PIBF1: variants seen among roughly 807,000 people sequenced by gnomAD.
The protein encoded by PIBF1 is progesterone-induced-blocking factor 1.
In PIBF1, 90 loss-of-function variants were observed where a neutral mutation model predicts 112.5. The ratio of observed to expected loss-of-function variants is 0.80; its 90% CI spans 0.67 to 0.95. PIBF1 has a LOEUF of 0.95. PIBF1 is among the 40% of genes least tolerant of loss of function. The pLI is 0.00. For synonymous variants in PIBF1, 301 were observed against 288.6 expected, an observed-to-expected ratio of 1.04 and a Z score of -0.44; for missense variants, 915 against 852.3, an observed-to-expected ratio of 1.07 and a Z score of -0.92.
At chr13:73,007,939 G>A (rs1366980215) in intron 17 of PIBF1, among the ~76,000 whole-genome samples, 5 of 152,106 alleles carry the variant, frequency 3.3e-5, no homozygotes, top group Admixed American at 2.0e-4. Context: ...TCCAGTGTTT[G>A]GAACAGGGCT....
chr13:72,848,245 C>T (rs747249236), intron 9 of PIBF1, among the ~76,000 whole-genome samples: 5 of 152,096 alleles, frequency 3.3e-5, no homozygotes, highest in African/African-American at 7.2e-5. Context: ...GTTTGAATTT[C>T]GAAGGGTCCT....
intron 17 of PIBF1, among the ~76,000 whole-genome samples, chr13:73,006,685 C>A (rs993439687): frequency 3.9e-5 from 6 of 151,966 alleles, no homozygotes; most frequent in African/African-American, 1.5e-4. Flanking sequence ...GAGTAATCTG[C>A]CAGGCTTACT....
intron 15 of PIBF1, among the ~76,000 whole-genome samples, chr13:72,968,393 C>G (rs2042804073): frequency 6.6e-6 from 1 of 151,478 alleles, no homozygotes; most frequent in Non-Finnish European, 1.5e-5. Context: ...CTCCACCTCC[C>G]AGGTTCAAGC....
chr13:72,973,618 A>G lies in PIBF1; in HGVS notation c.1992A>G (p.Leu664=), dbSNP rs767677349. 1.3e-6 allele frequency: 2 copies of G among 1,573,538 alleles called. No homozygotes were observed. Among genetic ancestry groups the G allele is most frequent in the East Asian group, 2.3e-5 (1 of 43,700 alleles). ...ACTTAAATAAAGAAAAGTCAGCTTTACTACAGACGAAGAATCAAATGGCAT... is the reference window on the plus strand; with the variant it reads ...ACTTAAATAAAGAAAAGTCAGCTTTGCTACAGACGAAGAATCAAATGGCAT... ...VSNLNKEKSA[L]LQTKNQMALD... Residue 664 remains leucine, a synonymous_variant, in exon 16 of 18, where the codon TTA becomes TTG. Coordinates refer to ENST00000326291, the MANE Select transcript of PIBF1 (RefSeq NM_006346.4).
chr13:72,847,375 A>T (rs987259453), intron 9 of PIBF1, among the ~76,000 whole-genome samples: 18 of 152,178 alleles, frequency 1.2e-4, no homozygotes. Context: ...GGAGGCTGGG[A>T]AGTCCAATAT....
intron 10 of PIBF1, among the ~76,000 whole-genome samples, chr13:72,878,026 G>A (rs1013933633): frequency 6.6e-6 from 1 of 152,022 alleles, no homozygotes; most frequent in Non-Finnish European, 1.5e-5. Context: ...TGGGATTACA[G>A]GTGTAAGTCA....
chr13:72,932,874 C>T (rs1036384085), intron 14 of PIBF1, among the ~76,000 whole-genome samples: 3 of 152,146 alleles, frequency 2.0e-5, no homozygotes, highest in African/African-American at 7.2e-5. Flanking sequence ...TTTCAGGATT[C>T]ATTTGTACTT....
intron 10 of PIBF1, among the ~76,000 whole-genome samples, chr13:72,882,422 A>C (rs2039680475): frequency 6.6e-6 from 1 of 152,218 alleles, no homozygotes; most frequent in Admixed American, 6.5e-5. Context: ...CAGCCAAAGC[A>C]AAAATGGACA....
chr13:72,803,881 A>C (rs952321882), intron 5 of PIBF1, among the ~76,000 whole-genome samples: 4 of 152,214 alleles, frequency 2.6e-5, no homozygotes, highest in Admixed American at 6.5e-5. Flanking sequence ...CTAGACTTTT[A>C]AAACTAATCA....
chr13:72,789,170 T>C (rs1320454961), intron 2 of PIBF1, among the ~76,000 whole-genome samples: 1 of 152,120 alleles, frequency 6.6e-6, no homozygotes, highest in African/African-American at 2.4e-5. Context: ...TCTTTATTCC[T>C]TTCCTCTTCT....
intron 2 of PIBF1, among the ~76,000 whole-genome samples, chr13:72,791,036 T>TTTTTG (rs1555281362): frequency 1.6e-5 from 2 of 127,298 alleles, no homozygotes; most frequent in Non-Finnish European, 3.1e-5. Context: ...AATTCATGTA[T>TTTTTG]TTTTGTTTGT....
At chr13:73,015,160 G>GT (rs1341278588) in intron 17 of PIBF1, among the ~76,000 whole-genome samples, 1 of 151,534 alleles carries the variant, frequency 6.6e-6, no homozygotes, top group African/African-American at 2.4e-5. Context: ...TGGCTAACTT[G>GT]TTTTTTCTTT....
chr13:72,892,042 G>A (rs2040077686), intron 10 of PIBF1, among the ~76,000 whole-genome samples: 1 of 151,994 alleles, frequency 6.6e-6, no homozygotes, highest in African/African-American at 2.4e-5. Context: ...GAAGAATAGG[G>A]AGTGACTAAT....
chr13:72,889,450 G>C (rs1327639473), intron 10 of PIBF1, among the ~76,000 whole-genome samples: 1 of 152,118 alleles, frequency 6.6e-6, no homozygotes, highest in African/African-American at 2.4e-5. Context: ...CTACTTCTGT[G>C]TATTCTTCTA....
At chr13:72,841,611 A>C (rs2037613253) in intron 9 of PIBF1, among the ~76,000 whole-genome samples, 1 of 152,090 alleles carries the variant, frequency 6.6e-6, no homozygotes, top group Admixed American at 6.5e-5. Flanking sequence ...TCTCTAGTGA[A>C]AATACAAAAA....
intron 15 of PIBF1, among the ~76,000 whole-genome samples, chr13:72,972,048 A>ATTTTTTTT (rs1555327021): frequency 2.1e-4 from 24 of 117,012 alleles, no homozygotes; most frequent in African/African-American, 6.4e-4. Context: ...TTATTTATTT[A>ATTTTTTTT]TTTTTTGAGA....
At chr13:72,939,565 A>T (rs148497062) in intron 14 of PIBF1, among the ~76,000 whole-genome samples, 22 of 152,012 alleles carry the variant, frequency 1.4e-4, no homozygotes, top group African/African-American at 4.3e-4. Context: ...CAGTACTTTA[A>T]CCCTTTTTAT....
chr13:72,910,709 A>C (rs1248482843), intron 12 of PIBF1, among the ~76,000 whole-genome samples: 1 of 152,230 alleles, frequency 6.6e-6, no homozygotes, highest in Non-Finnish European at 1.5e-5. Context: ...ATCTATTTTC[A>C]GATTACCAAA....
At chr13:72,888,786 AC>A (rs2039951262) in intron 10 of PIBF1, among the ~76,000 whole-genome samples, 1 of 151,692 alleles carries the variant, frequency 6.6e-6, no homozygotes, top group Admixed American at 6.6e-5. Context: ...AAAAAAAAAA[AC>A]TGATATATCA....
Sources: allele counts gnomAD v4.1 joint callset (sites outside exome capture counted in the v4.1 genomes callset), GRCh38; gene constraint gnomAD v4.1.1; transcripts MANE v1.5; gene names NCBI Gene and HGNC (gene_info 2026-07-23, HGNC 2026-07-21).